The following CRIM1 variants were observed in gnomAD, a reference collection of about 807,000 sequenced individuals.
CRIM1 encodes the protein cysteine rich transmembrane BMP regulator 1.
CRIM1 carries 32 observed loss-of-function variants against 116.4 expected under a neutral mutation model. That is an observed-to-expected ratio of 0.27 (90% CI 0.21 to 0.37). The LOEUF (loss-of-function observed/expected upper bound fraction) is 0.37. Among genes scored for constraint, CRIM1 ranks in the 10% least tolerant of loss-of-function variants. The pLI is 1.00. For missense variants in CRIM1, 1,331 were observed against 1,354.8 expected (o/e 0.98, Z 0.28); for synonymous variants, 590 against 509.2 (o/e 1.16, Z -2.13).
At chr2:36,499,143 G>T in intron 7 of CRIM1, 76 bp from the exon 8 acceptor site, 1 of 1,166,902 alleles carries the variant, frequency 8.6e-7, no homozygotes, top group South Asian at 1.4e-5. Context: ...TTATGGTGTG[G>T]AATTTCAAAA....
chr2:36,483,664 G>A (rs1190872813), intron 7 of CRIM1, among the ~76,000 whole-genome samples: 3 of 152,124 alleles, frequency 2.0e-5, no homozygotes, highest in Admixed American at 2.0e-4. Context: ...GAAAGAATTT[G>A]GCATATTCTT....
chr2:36,403,305 C>T (rs763196356), intron 2 of CRIM1, among the ~76,000 whole-genome samples: 1 of 152,078 alleles, frequency 6.6e-6, no homozygotes, highest in Non-Finnish European at 1.5e-5. Flanking sequence ...GTTTGGAGAA[C>T]GTTGAATGGT....
intron 1 of CRIM1, among the ~76,000 whole-genome samples, chr2:36,361,436 A>C (rs563471679): frequency 3.3e-5 from 5 of 152,094 alleles, no homozygotes; most frequent in Admixed American, 6.5e-5. Flanking sequence ...TGAAGATGCA[A>C]TGACCGGGAT....
chr2:36,536,062 G>T (rs848518), intron 13 of CRIM1, among the ~76,000 whole-genome samples: 60,552 of 152,050 alleles, frequency 0.4, 12,207 homozygotes, highest in Middle Eastern at 0.51. Context: ...ACCACAGATC[G>T]GTGAGCATTT....
chr2:36,471,241 T>A (rs1678490000), intron 5 of CRIM1, among the ~76,000 whole-genome samples: 1 of 152,182 alleles, frequency 6.6e-6, no homozygotes, highest in Admixed American at 6.5e-5. Context: ...GACTATTACA[T>A]AAATTTAGTT....
intron 2 of CRIM1, among the ~76,000 whole-genome samples, chr2:36,422,997 A>G (rs1253308346): frequency 6.6e-6 from 1 of 152,240 alleles, no homozygotes; most frequent in Non-Finnish European, 1.5e-5. Flanking sequence ...TAAGCATATA[A>G]GTAGCGTATA....
At chr2:36,483,721 T>G (rs142828259) in intron 7 of CRIM1, among the ~76,000 whole-genome samples, 141 of 152,288 alleles carry the variant, frequency 9.3e-4, no homozygotes, top group African/African-American at 3.2e-3. Flanking sequence ...TGCTCAAAAT[T>G]TTTAAATGAG....
rs778864488 is a variant in CRIM1, at chr2:36,441,355, G to A, written c.603G>A (p.Gly201=). Residue 201 remains glycine, a synonymous_variant, in exon 3 of 17, where the codon GGG becomes GGA. Coordinates refer to ENST00000280527, the MANE Select transcript of CRIM1 (RefSeq NM_016441.3). The stretch of plus-strand genomic sequence containing the variant: ...TGATCGAGGGTTATGCTCCTCCTGG[G>A]GAGTGCTGTCCCTTACCCAGCCGCT... The part of the protein sequence containing the change: ...SVLIEGYAPP[G]ECCPLPSRCV... 6 of 1,614,048 alleles carry A rather than the reference G, an allele frequency of 3.7e-6. No individual in the cohort carries two copies. In the Admixed American group the frequency reaches 6.7e-5, roughly 18 times the overall value.
intron 2 of CRIM1, among the ~76,000 whole-genome samples, chr2:36,399,058 A>C (rs1043246385): frequency 6.6e-6 from 1 of 152,210 alleles, no homozygotes; most frequent in African/African-American, 2.4e-5. Flanking sequence ...TGGAAGTGGG[A>C]ATCTGCATGA....
chr2:36,410,163 A>G (rs964865342), intron 2 of CRIM1, among the ~76,000 whole-genome samples: 3 of 152,200 alleles, frequency 2.0e-5, no homozygotes, highest in Non-Finnish European at 4.4e-5. Flanking sequence ...GTGAGTTTTT[A>G]AGGAACTGGA....
chr2:36,360,506 A>T (rs950368353), intron 1 of CRIM1, among the ~76,000 whole-genome samples: 8 of 152,140 alleles, frequency 5.3e-5, no homozygotes, highest in Non-Finnish European at 8.8e-5. Flanking sequence ...TGTTCCTTTT[A>T]CCCATTTTTC....
chr2:36,375,163 T>G (rs1670231404), intron 1 of CRIM1, among the ~76,000 whole-genome samples: 1 of 150,048 alleles, frequency 6.7e-6, no homozygotes, highest in South Asian at 2.1e-4. Context: ...TGCTGTTGTT[T>G]CCAAGGATGT....
At chr2:36,461,183 CAG>C (rs974380551) in intron 4 of CRIM1, among the ~76,000 whole-genome samples, 4 of 152,070 alleles carry the variant, frequency 2.6e-5, no homozygotes, top group Non-Finnish European at 4.4e-5. Context: ...TTGGGAGAGA[CAG>C]AGACGTGGGC....
At chr2:36,430,816 T>C (rs1422440978) in intron 2 of CRIM1, among the ~76,000 whole-genome samples, 1 of 152,128 alleles carries the variant, frequency 6.6e-6, no homozygotes, top group African/African-American at 2.4e-5. Flanking sequence ...CACTGGGAGA[T>C]CTTTGTTTGT....
intron 11 of CRIM1, among the ~76,000 whole-genome samples, chr2:36,513,993 T>C (rs1350745366): frequency 6.6e-6 from 1 of 152,242 alleles, no homozygotes; most frequent in East Asian, 1.9e-4. Flanking sequence ...TCCTCCTTTT[T>C]GAATGATTGA....
At chr2:36,493,910 C>G (rs1680404766) in intron 7 of CRIM1, among the ~76,000 whole-genome samples, 2 of 152,012 alleles carry the variant, frequency 1.3e-5, no homozygotes, top group Non-Finnish European at 2.9e-5. Flanking sequence ...TTTTATTGTT[C>G]TCCCAGAGTT....
rs746838743 is a variant in CRIM1 at position 36,522,130 on chromosome 2, G to T, written c.2245G>T (p.Val749Leu). Reference sequence around the variant, plus strand: ...GCCTTCCTTGTCCCGCAATAACAGCGTACCTAATTACTGCAAAAATGATGA... The same window carrying T: ...GCCTTCCTTGTCCCGCAATAACAGCTTACCTAATTACTGCAAAAATGATGA... ...FRPSLSRNNSVPNYCKNDEGD... is the reference protein window; with the variant it reads ...FRPSLSRNNSLPNYCKNDEGD... The change falls in exon 13 of 17, where the codon GTA becomes TTA. Residue 749 changes from valine (V) to leucine (L), a missense_variant. Transcript: ENST00000280527. The T allele has an allele frequency of 8.7e-6, 14 of 1,613,984 alleles. No individual in the cohort carries two copies. The highest frequency in any genetic ancestry group is 1.1e-5 in the Non-Finnish European group (13 of 1,180,016).
intron 14 of CRIM1, among the ~76,000 whole-genome samples, chr2:36,544,009 T>C (rs1056733227): frequency 3.9e-4 from 59 of 152,272 alleles, no homozygotes; most frequent in African/African-American, 1.4e-3. Context: ...TACCCCCATA[T>C]TAAAGAGCAG....
intron 4 of CRIM1, among the ~76,000 whole-genome samples, chr2:36,457,825 A>G (rs1036789429): frequency 3.3e-5 from 5 of 152,112 alleles, no homozygotes; most frequent in African/African-American, 1.2e-4. Context: ...TAGTACATCG[A>G]ATTTAATTAA....
Sources: gnomAD v4.1 joint callset for allele counts (sites outside exome capture counted in the v4.1 genomes callset) on GRCh38, gnomAD v4.1.1 for gene constraint, MANE v1.5 for transcripts, NCBI Gene and HGNC (gene_info 2026-07-23, HGNC 2026-07-21) for gene names.